The following MGAT4A variants were observed in gnomAD, a reference collection of about 807,000 sequenced individuals.
The protein encoded by MGAT4A is alpha-1,3-mannosyl-glycoprotein 4-beta-N-acetylglucosaminyltransferase A.
MGAT4A carries 33 observed loss-of-function variants against 74.1 expected under a neutral mutation model. The ratio of observed to expected loss-of-function variants is 0.45; its 90% confidence interval spans 0.34 to 0.60. MGAT4A has a LOEUF of 0.60. Among genes scored for constraint, MGAT4A ranks in the 20% least tolerant of loss-of-function variants. MGAT4A has a pLI of 0.02. For synonymous variants in MGAT4A, 198 were observed against 210.4 expected (o/e 0.94, Z 0.51); for missense variants, 479 against 628.3 (o/e 0.76, Z 2.54).
intron 2 of MGAT4A, among the ~76,000 whole-genome samples, chr2:98,679,429 AG>A (rs1265283585): frequency 8.6e-5 from 8 of 93,546 alleles, no homozygotes; most frequent in Non-Finnish European, 2.0e-4. Context: ...AAAAAAAAAA[AG>A]AGACCAGCCT....
At chr2:98,637,766 A>C (rs1270106555) in intron 12 of MGAT4A, among the ~76,000 whole-genome samples, 1 of 152,180 alleles carries the variant, frequency 6.6e-6, no homozygotes, top group Non-Finnish European at 1.5e-5. Context: ...TCTGAGCCTG[A>C]GTTTCTTCTA....
At position 98,622,515 on chromosome 2, in the gene MGAT4A, AAGT is replaced by A. The variant is rs1392937179; in HGVS notation, c.*3048_*3050del. On this transcript the variant is annotated 3_prime_UTR_variant, in exon 16 of 16. Coordinates refer to ENST00000393487, the MANE Select transcript of MGAT4A (RefSeq NM_012214.3). ...AATGATTCGGCGCCCTCTCAAGGCA[AAGT>A]ATTTACCTTCTTCCAGTTCCAGGGA... 3.0e-6 allele frequency: 3 copies of A among 985,328 alleles called. No homozygotes were observed. The highest frequency in any genetic ancestry group is 3.6e-6 in the Non-Finnish European group (3 of 829,956). The allele number at this position is 985,328 out of a possible 1,614,324, so 61.0% of individuals were successfully genotyped here.
intron 13 of MGAT4A, 77 bp from the exon 14 acceptor site, chr2:98,635,365 G>A: frequency 9.6e-7 from 1 of 1,043,078 alleles, no homozygotes. Context: ...TCTTAATATA[G>A]ATGAAGTGGC....
intron 2 of MGAT4A, among the ~76,000 whole-genome samples, chr2:98,721,962 G>A (rs945021269): frequency 6.6e-6 from 1 of 152,104 alleles, no homozygotes; most frequent in Admixed American, 6.5e-5. Context: ...GTGTCAGACT[G>A]GATTTTAAAA....
At chr2:98,631,902 G>A (rs1442342360) in intron 14 of MGAT4A, among the ~76,000 whole-genome samples, 1 of 151,678 alleles carries the variant, frequency 6.6e-6, no homozygotes, top group Non-Finnish European at 1.5e-5. Flanking sequence ...AGTGGATCAC[G>A]AGGTCAACAC....
Position 98,625,052 on chromosome 2 carries a change from CA to C in MGAT4A, c.*513del. On this transcript the variant is annotated 3_prime_UTR_variant, in exon 16 of 16. Transcript: ENST00000393487. Reference sequence around the variant, plus strand: ...TTAAAAAAGCAAGGAAACTGGTTTTCAAAAAAAGTATCGATTCAAAAATCTA... The same window carrying C: ...TTAAAAAAGCAAGGAAACTGGTTTTCAAAAAAGTATCGATTCAAAAATCTA... 1 of 980,760 alleles carries C rather than the reference CA, an allele frequency of 1.0e-6. No individual in the cohort carries two copies. The highest frequency in any genetic ancestry group is 1.2e-6 in the Non-Finnish European group (1 of 825,712). The allele number at this position is 980,760 out of a possible 1,614,324, so 60.8% of individuals were successfully genotyped here.
chr2:98,631,923 A>T (rs1287369447), intron 14 of MGAT4A, among the ~76,000 whole-genome samples: 1 of 152,000 alleles, frequency 6.6e-6, no homozygotes. Context: ...CAGCCTGGCC[A>T]ACATGGCGAA....
rs1304615645 is a variant in MGAT4A at position 98,625,975 on chromosome 2, C to T, written c.1469-140G>A. 1.2e-5 allele frequency: 6 copies of T among 482,174 alleles called. No individual in the cohort carries two copies. The Admixed American group carries it at 1.5e-4, about 12-fold the overall frequency. 29.9% of individuals were successfully genotyped at this position (482,174 alleles called of 1,614,324 possible). A position where few individuals can be genotyped will look rare whatever the true frequency, so the allele number is the denominator to read the frequency against. ...CAGGGCACAGGTAATTTCTTTCCCC[C>T]TTCTTTCTACTTTCATTCAGCTTTT... On this transcript the variant is annotated intron_variant, in intron 14 of 15. Transcript: ENST00000393487.
intron 10 of MGAT4A, among the ~76,000 whole-genome samples, chr2:98,641,995 C>CAAAAAA (rs576834542): frequency 1.4e-4 from 10 of 71,022 alleles, no homozygotes; most frequent in African/African-American, 4.7e-4. Flanking sequence ...AACTCTGTCT[C>CAAAAAA]AAAAAAAAAA....
chr2:98,650,032 G>C (rs1220883176), intron 8 of MGAT4A, among the ~76,000 whole-genome samples: 1 of 152,104 alleles, frequency 6.6e-6, no homozygotes, highest in African/African-American at 2.4e-5. Flanking sequence ...ACAACTAAAT[G>C]AAATTTGGAA....
At chr2:98,651,749 C>G (rs955520984) in intron 8 of MGAT4A, among the ~76,000 whole-genome samples, 1 of 152,048 alleles carries the variant, frequency 6.6e-6, no homozygotes, top group African/African-American at 2.4e-5. Context: ...GGTCAAACAT[C>G]CCAATTAAAA....
At position 98,624,260 on chromosome 2, in the gene MGAT4A, C is replaced by T. The variant is rs1207229637; in HGVS notation, c.*1306G>A. 1.3e-6 allele frequency: 1 copy of T among 751,762 alleles called. No homozygotes were observed. Among genetic ancestry groups the T allele is most frequent in the Non-Finnish European group, 1.6e-6 (1 of 616,984 alleles). The allele number at this position is 751,762 out of a possible 1,614,324, so 46.6% of individuals were successfully genotyped here. Reference sequence around the variant, plus strand: ...ATCTCCTGACCTCGTGATCCGCCCGCCTCGGCCTCCCAAAGTGCTGGGATT... The same window carrying T: ...ATCTCCTGACCTCGTGATCCGCCCGTCTCGGCCTCCCAAAGTGCTGGGATT... On this transcript the variant is annotated 3_prime_UTR_variant, in exon 16 of 16. Coordinates refer to ENST00000393487, the MANE Select transcript of MGAT4A (RefSeq NM_012214.3).
intron 14 of MGAT4A, among the ~76,000 whole-genome samples, chr2:98,634,780 ATG>A (rs912287912): frequency 4.0e-5 from 6 of 149,980 alleles, no homozygotes; most frequent in African/African-American, 7.4e-5. Flanking sequence ...CAATAAAGAA[ATG>A]TGTGTGTTAC....
Position 98,624,619 on chromosome 2 carries a change from T to C in MGAT4A, c.*947A>G, listed in dbSNP as rs1701117184. On this transcript the variant is annotated 3_prime_UTR_variant, in exon 16 of 16. Transcript: ENST00000393487. ...TGACGTCATAAAATGAGTGCAGATA[T>C]AAAAGAATCAACAGCAGATAATGCA... 4 of 984,874 alleles carry C rather than the reference T, an allele frequency of 4.1e-6. No homozygotes were observed. Among genetic ancestry groups the C allele is most frequent in the Non-Finnish European group, 4.8e-6 (4 of 829,490 alleles). 61.0% of individuals were successfully genotyped at this position (984,874 alleles called of 1,614,324 possible).
chr2:98,678,757 T>A (rs1225647917), intron 2 of MGAT4A, among the ~76,000 whole-genome samples: 1 of 152,138 alleles, frequency 6.6e-6, no homozygotes. Flanking sequence ...GATAAAATGA[T>A]AAAAGGTTTT....
chr2:98,724,931 C>T (rs549775890), intron 2 of MGAT4A, among the ~76,000 whole-genome samples: 28 of 152,226 alleles, frequency 1.8e-4, no homozygotes, highest in Non-Finnish European at 4.0e-4. Context: ...CTTGATTGGC[C>T]GGGCATGATG....
chr2:98,690,385 A>T (rs11903630), intron 2 of MGAT4A, among the ~76,000 whole-genome samples: 201 of 152,314 alleles, frequency 1.3e-3, no homozygotes, highest in African/African-American at 4.5e-3. Context: ...CACAGGACTT[A>T]CGGGAAACTG....
At chr2:98,655,622 A>G (rs977802420) in intron 7 of MGAT4A, 102 bp from the exon 8 acceptor site, 42 of 734,450 alleles carry the variant, frequency 5.7e-5, no homozygotes, top group African/African-American at 5.3e-4. Flanking sequence ...CATGTCATCT[A>G]TGTATATGTG....
intron 14 of MGAT4A, among the ~76,000 whole-genome samples, chr2:98,628,665 C>A (rs887969701): frequency 1.3e-5 from 2 of 152,182 alleles, no homozygotes; most frequent in African/African-American, 4.8e-5. Context: ...TGCACAATAA[C>A]TACAATGACT....
Sources: allele counts gnomAD v4.1 joint callset (sites outside exome capture counted in the v4.1 genomes callset), GRCh38; gene constraint gnomAD v4.1.1; transcripts MANE v1.5; gene names NCBI Gene and HGNC (gene_info 2026-07-23, HGNC 2026-07-21).